Variants in TSSK2 observed in about 807,000 individuals in gnomAD.
The protein encoded by TSSK2 is testis specific serine kinase 2.
A neutral mutation model predicts 14.2 loss-of-function variants in TSSK2; 5 were observed. The ratio of observed to expected loss-of-function variants is 0.35; its 90% CI spans 0.18 to 0.74. The LOEUF (loss-of-function observed/expected upper bound fraction) is 0.74, where lower values mean the gene tolerates loss of function less well. Among genes scored for constraint, TSSK2 ranks in the 30% least tolerant of loss-of-function variants. TSSK2 has a pLI of 0.56. For synonymous variants in TSSK2, 209 were observed against 201.9 expected (o/e 1.04, Z -0.30); for missense variants, 439 against 491.1 (o/e 0.89, Z 1.00).
In TSSK2 at chr22:19,131,378, G is replaced by T. The variant is rs549179530; in HGVS notation, c.-22G>T. 121 of 1,561,630 alleles carry T rather than the reference G, an allele frequency of 7.7e-5. No homozygotes were observed. The highest frequency in any genetic ancestry group is 2.4e-4 in the Admixed American group (13 of 55,036). On this transcript the variant is annotated 5_prime_UTR_variant, in exon 1 of 1. Transcript: ENST00000399635. This position sits in a 1 kb window ranked among gnomAD's most constrained non-coding sequence, Gnocchi z 5.7. ...ATGACGGGGGGATGTAGACGGCAGC[G>T]GCGCCAGTCGCTCCTGGCACCATGG...
rs1160954598 is a variant in TSSK2, at chr22:19,131,964, A to G, written c.565A>G (p.Ser189Gly). Residue 189 changes from serine (S) to glycine (G), a missense_variant, in exon 1 of 1, where the codon AGC becomes GGC. Coordinates refer to ENST00000399635, the MANE Select transcript of TSSK2 (RefSeq NM_053006.5). This position sits in a 1 kb window ranked among gnomAD's most constrained non-coding sequence, Gnocchi z 5.7. ...AAYAAPEVLQ[S>G]IPYQPKVYDI... ...ATATGCAGCCCCCGAGGTGCTGCAG[A>G]GCATCCCCTACCAGCCCAAGGTGTA... 4 of 1,614,056 alleles carry G rather than the reference A, an allele frequency of 2.5e-6. No homozygotes were observed. The African/African-American group carries it at 5.3e-5, about 22-fold the overall frequency.
Position 19,131,553 on chromosome 22 carries a change from T to C in TSSK2, c.154T>C (p.Phe52Leu), listed in dbSNP as rs779584861. The C allele has an allele frequency of 8.1e-6, 13 of 1,613,976 alleles. No homozygotes were observed. In the Admixed American group the frequency reaches 2.2e-4, roughly 27 times the overall value. Residue 52 changes from phenylalanine (F) to leucine (L), a missense_variant, in exon 1 of 1, where the codon TTT becomes CTT. Coordinates refer to ENST00000399635, the MANE Select transcript of TSSK2 (RefSeq NM_053006.5). This position sits in a 1 kb window ranked among gnomAD's most constrained non-coding sequence, Gnocchi z 5.7. ...IIDRKKTPTDFVERFLPREMD... is the reference protein window; with the variant it reads ...IIDRKKTPTDLVERFLPREMD... ...CGACCGCAAGAAAACACCTACTGACTTTGTGGAGAGATTCCTTCCTCGGGA... is the reference window on the plus strand; with the variant it reads ...CGACCGCAAGAAAACACCTACTGACCTTGTGGAGAGATTCCTTCCTCGGGA...
rs372479336 is a variant in TSSK2, at chr22:19,132,597, C to T, written c.*121C>T. 2.0e-5 allele frequency: 21 copies of T among 1,025,564 alleles called. No homozygotes were observed. The highest frequency in any genetic ancestry group is 2.2e-4 in the Middle Eastern group (1 of 4,528). 63.5% of individuals were successfully genotyped at this position (1,025,564 alleles called of 1,614,324 possible). On this transcript the variant is annotated 3_prime_UTR_variant, in exon 1 of 1. Coordinates refer to ENST00000399635, the MANE Select transcript of TSSK2 (RefSeq NM_053006.5). This position sits in a 1 kb window ranked among gnomAD's most constrained non-coding sequence, Gnocchi z 4.2. ...AGAAGGCACAGGTGCAAGTAAAATT[C>T]GTCAATTAAACCACTATTTTGATTA...
In TSSK2 at chr22:19,131,666, C is replaced by T; in HGVS notation, c.267C>T (p.Ile89=). Residue 89 remains isoleucine (I), a synonymous_variant, in exon 1 of 1, where the codon ATC becomes ATT. Transcript: ENST00000399635. The surrounding 1 kb of genome is among the most constrained non-coding windows in gnomAD (Gnocchi z 5.7). ...CCTCTGACGGACGGATCTACATCAT[C>T]ATGGAGCTTGGCGTCCAGGGCGACC... ...FETSDGRIYI[I]MELGVQGDLL... is the part of the protein sequence containing the mutation. The T allele has an allele frequency of 7.4e-6, 12 of 1,614,166 alleles. No individual in the cohort carries two copies. The highest frequency in any genetic ancestry group is 2.2e-5 in the East Asian group (1 of 44,880).
In TSSK2 at chr22:19,131,451, C is replaced by T; in HGVS notation, c.52C>T (p.Leu18Phe). The T allele has an allele frequency of 2.5e-6, 4 of 1,613,980 alleles. No homozygotes were observed. The highest frequency in any genetic ancestry group is 3.4e-6 in the Non-Finnish European group (4 of 1,179,926). ...GAAGGGTTACATCGTAGGCATCAAT[C>T]TTGGCAAGGGTTCCTACGCAAAAGT... Reference protein sequence around the residue: ...RKKGYIVGINLGKGSYAKVKS... With the variant: ...RKKGYIVGINFGKGSYAKVKS... The change falls in exon 1 of 1, where the codon CTT becomes TTT. Residue 18 changes from leucine to phenylalanine, a missense_variant. Leu to Phe is a conservative substitution (Grantham distance 22). Coordinates refer to ENST00000399635, the MANE Select transcript of TSSK2 (RefSeq NM_053006.5). The surrounding 1 kb of genome is among the most constrained non-coding windows in gnomAD (Gnocchi z 5.7).
Position 19,132,218 on chromosome 22 carries a change from G to GC in TSSK2, c.825dup (p.Lys276GlnfsTer21), listed in dbSNP as rs764514103. ...AGATCCTCAGCCACTCGTGGCTGCA[G>GC]CCCCCCAAGCCCAAAGCCACGTCTT... On this transcript the variant is annotated frameshift_variant, in exon 1 of 1. Coordinates refer to ENST00000399635, the MANE Select transcript of TSSK2 (RefSeq NM_053006.5). LOFTEE classifies it high-confidence loss of function. The surrounding 1 kb of genome is among the most constrained non-coding windows in gnomAD (Gnocchi z 4.2). 11 of 1,612,230 alleles carry GC rather than the reference G, an allele frequency of 6.8e-6. No homozygotes were observed. Among genetic ancestry groups the GC allele is most frequent in the East Asian group, 4.5e-5 (2 of 44,816 alleles).
chr22:19,132,025 T>C lies in TSSK2; in HGVS notation c.626T>C (p.Met209Thr), dbSNP rs975850629. 16 of 1,613,996 alleles carry C rather than the reference T, an allele frequency of 9.9e-6. No individual in the cohort carries two copies. The highest frequency in any genetic ancestry group is 1.2e-5 in the Non-Finnish European group (14 of 1,180,016). Residue 209 changes from methionine to threonine, a missense_variant, in exon 1 of 1, where the codon ATG becomes ACG. By Grantham distance (81) the Met-to-Thr change is moderately conservative (BLOSUM62 -1). Transcript: ENST00000399635. The surrounding 1 kb of genome is among the most constrained non-coding windows in gnomAD (Gnocchi z 4.2). ...AGCCTGGGCGTGATCCTGTACATCA[T>C]GGTCTGCGGCTCCATGCCCTATGAC... Reference protein sequence around the residue: ...IWSLGVILYIMVCGSMPYDDS... With the variant: ...IWSLGVILYITVCGSMPYDDS...
rs200322808 is a variant in TSSK2, at chr22:19,132,251, C to A, written c.852C>A (p.Ser284=). The A allele has an allele frequency of 5.0e-6, 8 of 1,612,274 alleles. No homozygotes were observed. The highest frequency in any genetic ancestry group is 5.9e-6 in the Non-Finnish European group (7 of 1,178,834). Residue 284 remains serine (S), a synonymous_variant, in exon 1 of 1, where the codon TCC becomes TCA. Coordinates refer to ENST00000399635, the MANE Select transcript of TSSK2 (RefSeq NM_053006.5). The surrounding 1 kb of genome is among the most constrained non-coding windows in gnomAD (Gnocchi z 4.2). ...PPKPKATSSA[S]FKREGEGKYR... ...AGCCCAAAGCCACGTCTTCTGCCTC[C>A]TTCAAGAGGGAGGGGGAGGGCAAGT...
Position 19,132,379 on chromosome 22 carries a change from CCGAGAA to C in TSSK2, c.988_993del (p.Glu330_Asn331del). The C allele has an allele frequency of 6.2e-7, 1 of 1,613,078 alleles. No homozygotes were observed. The highest frequency in any genetic ancestry group is 1.1e-5 in the South Asian group (1 of 91,072). On this transcript the variant is annotated inframe_deletion, in exon 1 of 1. Coordinates refer to ENST00000399635, the MANE Select transcript of TSSK2 (RefSeq NM_053006.5). The surrounding 1 kb of genome is among the most constrained non-coding windows in gnomAD (Gnocchi z 4.2). ...ACCCAGCACCGGCTGCTGGTGGTGC[CCGAGAA>C]CGAGAACAGGATGGAGGACAGGCTG...
rs1479049277 is a variant in TSSK2, at chr22:19,132,375, G to C, written c.976G>C (p.Val326Leu). The C allele has an allele frequency of 1.2e-6, 2 of 1,613,198 alleles. No homozygotes were observed. The highest frequency in any genetic ancestry group is 1.7e-5 in the Admixed American group (1 of 60,018). ...GAKTQHRLLVVPENENRMEDR... is the reference protein window; with the variant it reads ...GAKTQHRLLVLPENENRMEDR... The stretch of plus-strand genomic sequence containing the variant: ...CAAAACCCAGCACCGGCTGCTGGTG[G>C]TGCCCGAGAACGAGAACAGGATGGA... Residue 326 changes from valine to leucine, a missense_variant, in exon 1 of 1, where the codon GTG (valine) becomes CTG (leucine). Transcript: ENST00000399635. This position sits in a 1 kb window ranked among gnomAD's most constrained non-coding sequence, Gnocchi z 4.2.
At position 19,131,855 on chromosome 22, in the gene TSSK2, G is replaced by A. The variant is rs376174754; in HGVS notation, c.456G>A (p.Leu152=). Residue 152 remains leucine (L), a synonymous_variant, in exon 1 of 1, where the codon CTG becomes CTA. Transcript: ENST00000399635. The surrounding 1 kb of genome is among the most constrained non-coding windows in gnomAD (Gnocchi z 5.7). ...LLLDKDFNIK[L]SDFGFSKRCL... is the part of the protein sequence containing the mutation. ...TCGACAAGGACTTCAACATCAAGCT[G>A]TCTGACTTTGGCTTCTCCAAGCGCT... The A allele has an allele frequency of 3.3e-5, 53 of 1,614,176 alleles. No individual in the cohort carries two copies. Among genetic ancestry groups the A allele is most frequent in the East Asian group, 1.6e-4 (7 of 44,886 alleles).
Position 19,132,300 on chromosome 22 carries a change from A to G in TSSK2, c.901A>G (p.Thr301Ala). 1 of 1,613,546 alleles carries G rather than the reference A, an allele frequency of 6.2e-7. No individual in the cohort carries two copies. Among genetic ancestry groups the G allele is most frequent in the East Asian group, 2.2e-5 (1 of 44,876 alleles). The change falls in exon 1 of 1, where the codon ACC becomes GCC. Residue 301 changes from threonine (T) to alanine (A), a missense_variant. By Grantham distance (58) the Thr-to-Ala change is moderately conservative (BLOSUM62 0). Transcript: ENST00000399635. This position sits in a 1 kb window ranked among gnomAD's most constrained non-coding sequence, Gnocchi z 4.2. Reference protein sequence around the residue: ...GKYRAECKLDTKTGLRPDHRP... With the variant: ...GKYRAECKLDAKTGLRPDHRP... ...GTACCGCGCTGAGTGCAAACTGGAC[A>G]CCAAGACAGGCTTGAGGCCCGACCA...
Position 19,131,696 on chromosome 22 carries a change from C to T in TSSK2, c.297C>T (p.Leu99=), listed in dbSNP as rs776994811. The T allele has an allele frequency of 4.8e-5, 77 of 1,613,944 alleles. No individual in the cohort carries two copies. The East Asian group carries it at 1.2e-3, about 26-fold the overall frequency. The change falls in exon 1 of 1, where the codon CTC becomes CTT. Residue 99 remains leucine, a synonymous_variant. Coordinates refer to ENST00000399635, the MANE Select transcript of TSSK2 (RefSeq NM_053006.5). The surrounding 1 kb of genome is among the most constrained non-coding windows in gnomAD (Gnocchi z 5.7). ...IMELGVQGDL[L]EFIKCQGALH... is the part of the protein sequence containing the mutation. ...AGCTTGGCGTCCAGGGCGACCTCCTCGAGTTCATCAAGTGCCAGGGAGCCC... is the reference window on the plus strand; with the variant it reads ...AGCTTGGCGTCCAGGGCGACCTCCTTGAGTTCATCAAGTGCCAGGGAGCCC...
chr22:19,132,499 G>A lies in TSSK2; in HGVS notation c.*23G>A, dbSNP rs757036434. The A allele has an allele frequency of 1.9e-6, 3 of 1,581,502 alleles. No homozygotes were observed. The highest frequency in any genetic ancestry group is 1.2e-5 in the South Asian group (1 of 86,766). On this transcript the variant is annotated 3_prime_UTR_variant, in exon 1 of 1. Coordinates refer to ENST00000399635, the MANE Select transcript of TSSK2 (RefSeq NM_053006.5). The surrounding 1 kb of genome is among the most constrained non-coding windows in gnomAD (Gnocchi z 4.2). ...TAGCATGACAATGGCCCCGTTGTGTGTGGTGGGGGTCGGGGTTGGGGGGCA... is the reference window on the plus strand; with the variant it reads ...TAGCATGACAATGGCCCCGTTGTGTATGGTGGGGGTCGGGGTTGGGGGGCA...
In TSSK2 at chr22:19,132,282, G is replaced by GCT; in HGVS notation, c.884_885dup (p.Glu296LeufsTer11). 1 of 1,613,446 alleles carries GCT rather than the reference G, an allele frequency of 6.2e-7. No homozygotes were observed. The highest frequency in any genetic ancestry group is 1.7e-5 in the Admixed American group (1 of 60,012). ...GAGGGAGGGGGAGGGCAAGTACCGC[G>GCT]CTGAGTGCAAACTGGACACCAAGAC... On this transcript the variant is annotated frameshift_variant, in exon 1 of 1. Coordinates refer to ENST00000399635, the MANE Select transcript of TSSK2 (RefSeq NM_053006.5). LOFTEE classifies it high-confidence loss of function. The surrounding 1 kb of genome is among the most constrained non-coding windows in gnomAD (Gnocchi z 4.2).
In TSSK2 at chr22:19,131,652, C is replaced by T. The variant is rs1473065515; in HGVS notation, c.253C>T (p.Arg85Trp). 1.2e-5 allele frequency: 19 copies of T among 1,613,930 alleles called. No individual in the cohort carries two copies. Among genetic ancestry groups the T allele is most frequent in the Middle Eastern group, 3.3e-4 (2 of 6,084 alleles). Reference protein sequence around the residue: ...TYEIFETSDGRIYIIMELGVQ... With the variant: ...TYEIFETSDGWIYIIMELGVQ... ...CGAGATCTTTGAGACCTCTGACGGA[C>T]GGATCTACATCATCATGGAGCTTGG... Residue 85 changes from arginine to tryptophan, a missense_variant, in exon 1 of 1, where the codon CGG becomes TGG. Coordinates refer to ENST00000399635, the MANE Select transcript of TSSK2 (RefSeq NM_053006.5). The surrounding 1 kb of genome is among the most constrained non-coding windows in gnomAD (Gnocchi z 5.7).
At position 19,132,535 on chromosome 22, in the gene TSSK2, G is replaced by A. The variant is rs565480238; in HGVS notation, c.*59G>A. The A allele has an allele frequency of 6.5e-5, 98 of 1,511,076 alleles. 1 individual carries two copies. Among genetic ancestry groups the A allele is most frequent in the South Asian group, 3.8e-4 (30 of 78,140 alleles). 93.6% of individuals were successfully genotyped at this position (1,511,076 alleles called of 1,614,324 possible). On this transcript the variant is annotated 3_prime_UTR_variant, in exon 1 of 1. Coordinates refer to ENST00000399635, the MANE Select transcript of TSSK2 (RefSeq NM_053006.5). The surrounding 1 kb of genome is among the most constrained non-coding windows in gnomAD (Gnocchi z 4.2). ...CGGGGTTGGGGGGCATGGTGCAGTCGGCCTTCACGTAAACTAAGTAGGCAG... is the reference window on the plus strand; with the variant it reads ...CGGGGTTGGGGGGCATGGTGCAGTCAGCCTTCACGTAAACTAAGTAGGCAG...
In TSSK2 at chr22:19,132,532, G is replaced by C; in HGVS notation, c.*56G>C. ...GGTCGGGGTTGGGGGGCATGGTGCA[G>C]TCGGCCTTCACGTAAACTAAGTAGG... is the stretch of plus-strand genomic sequence containing the variant. On this transcript the variant is annotated 3_prime_UTR_variant, in exon 1 of 1. Coordinates refer to ENST00000399635, the MANE Select transcript of TSSK2 (RefSeq NM_053006.5). The surrounding 1 kb of genome is among the most constrained non-coding windows in gnomAD (Gnocchi z 4.2). 1 of 1,522,890 alleles carries C rather than the reference G, an allele frequency of 6.6e-7. No individual in the cohort carries two copies. Among genetic ancestry groups the C allele is most frequent in the Non-Finnish European group, 8.9e-7 (1 of 1,126,794 alleles). The allele number at this position is 1,522,890 out of a possible 1,614,324, so 94.3% of individuals were successfully genotyped here.
chr22:19,132,206 C>T lies in TSSK2; in HGVS notation c.807C>T (p.His269=). 6.2e-7 allele frequency: 1 copy of T among 1,612,596 alleles called. No individual in the cohort carries two copies. Among genetic ancestry groups the T allele is most frequent in the Non-Finnish European group, 8.5e-7 (1 of 1,178,872 alleles). The part of the protein sequence containing the change: ...QRLHIDEILS[H]SWLQPPKPKA... ...TCCACATCGATGAGATCCTCAGCCACTCGTGGCTGCAGCCCCCCAAGCCCA... is the reference window on the plus strand; with the variant it reads ...TCCACATCGATGAGATCCTCAGCCATTCGTGGCTGCAGCCCCCCAAGCCCA... The change falls in exon 1 of 1, where the codon CAC becomes CAT. Residue 269 remains histidine (H), a synonymous_variant. Transcript: ENST00000399635. The surrounding 1 kb of genome is among the most constrained non-coding windows in gnomAD (Gnocchi z 4.2).
Sources: allele counts gnomAD v4.1 joint callset, GRCh38; gene constraint gnomAD v4.1.1; non-coding constraint Gnocchi (gnomAD v3.1); transcripts MANE v1.5; gene names NCBI Gene and HGNC (gene_info 2026-07-23, HGNC 2026-07-21).